Variants in ARL14EP observed in about 807,000 individuals in gnomAD.
The protein encoded by ARL14EP is ARL14 effector protein.
ARL14EP carries 12 observed loss-of-function variants against 23.1 expected under a neutral mutation model. That is an observed-to-expected ratio of 0.52 (90% confidence interval 0.33 to 0.84). The LOEUF (loss-of-function observed/expected upper bound fraction) is 0.84. Among genes scored for constraint, ARL14EP ranks in the 40% least tolerant of loss-of-function variants. The pLI is 0.02. For synonymous variants in ARL14EP, 97 were observed against 102.0 expected, an observed-to-expected ratio of 0.95 and a Z score of 0.29; for missense variants, 253 against 307.3, an observed-to-expected ratio of 0.82 and a Z score of 1.32.
Position 30,331,300 on chromosome 11 carries a change from A to C in ARL14EP, c.352A>C (p.Lys118Gln). The C allele has an allele frequency of 6.2e-7, 1 of 1,614,026 alleles. No individual in the cohort carries two copies. The highest frequency in any genetic ancestry group is 8.5e-7 in the Non-Finnish European group (1 of 1,179,890). ...QLVPGWKLCP[K>Q]CTQIINGSVD... Reference sequence around the variant, plus strand: ...TGTACCTGGTTGGAAGCTTTGTCCAAAATGCACACAGATAATCAATGGAAG... The same window carrying C: ...TGTACCTGGTTGGAAGCTTTGTCCACAATGCACACAGATAATCAATGGAAG... The change falls in exon 2 of 4, where the codon AAA (lysine) becomes CAA (glutamine). Residue 118 changes from lysine to glutamine, a missense_variant. By Grantham distance (53) the Lys-to-Gln change is moderately conservative. Transcript: ENST00000282032.
Position 30,336,853 on chromosome 11 carries a change from C to CT in ARL14EP, c.*59dup. Reference sequence around the variant, plus strand: ...TCTTTATTTCTAAAAATCTGTTACTCTAAGATACATTTTAAGCTTGATTAT... The same window carrying CT: ...TCTTTATTTCTAAAAATCTGTTACTCTTAAGATACATTTTAAGCTTGATTAT... On this transcript the variant is annotated 3_prime_UTR_variant, in exon 4 of 4. Transcript: ENST00000282032. The CT allele has an allele frequency of 7.0e-7, 1 of 1,431,134 alleles. No individual in the cohort carries two copies. Among genetic ancestry groups the CT allele is most frequent in the Non-Finnish European group, 9.8e-7 (1 of 1,020,406 alleles). 88.7% of individuals were successfully genotyped at this position (1,431,134 alleles called of 1,614,324 possible).
At chr11:30,331,435 C>CT (rs1338906135) in intron 2 of ARL14EP, 61 bp downstream of exon 2, 7 of 1,607,290 alleles carry the variant, frequency 4.4e-6, no homozygotes, top group Non-Finnish European at 5.1e-6. Context: ...TTTTGCTTAA[C>CT]TATAAGAAAA....
intron 1 of ARL14EP, 151 bp from the exon 2 acceptor site, chr11:30,330,735 T>C: frequency 1.9e-6 from 1 of 526,356 alleles, no homozygotes; most frequent in Admixed American, 3.5e-5. Flanking sequence ...ACGCTTCTGT[T>C]TGATTATTAA....
At chr11:30,326,508 T>G (rs1161105479) in intron 1 of ARL14EP, among the ~76,000 whole-genome samples, 3 of 152,198 alleles carry the variant, frequency 2.0e-5, no homozygotes, top group African/African-American at 7.2e-5. Context: ...TAGGCCACAT[T>G]GCCAGAACAC....
chr11:30,323,783 G>A (rs1947214694), intron 1 of ARL14EP, among the ~76,000 whole-genome samples: 1 of 152,124 alleles, frequency 6.6e-6, no homozygotes, highest in African/African-American at 2.4e-5. Context: ...CACTCTGTTA[G>A]GCATGATAAC....
intron 3 of ARL14EP, among the ~76,000 whole-genome samples, chr11:30,333,429 A>C (rs959943669): frequency 5.3e-5 from 8 of 152,054 alleles, no homozygotes; most frequent in Non-Finnish European, 1.2e-4. Context: ...TGTACTCCCT[A>C]TCTCTGTCGC....
chr11:30,323,211 G>C lies in ARL14EP; in HGVS notation c.-64+9G>C, dbSNP rs1947208047. On this transcript the variant is annotated intron_variant, in intron 1 of 3. Transcript: ENST00000282032. ...GGAGAGCTCAAGCTAAGGTGGAAGG[G>C]GAACGGGGGAGGCCCTGGAGAGGAG... is the stretch of plus-strand genomic sequence containing the variant. The C allele has an allele frequency of 6.5e-6, 1 of 153,188 alleles. No homozygotes were observed. The highest frequency in any genetic ancestry group is 2.1e-4 in the South Asian group (1 of 4,840). 9.5% of individuals were successfully genotyped at this position (153,188 alleles called of 1,614,324 possible).
chr11:30,332,163 C>T (rs1163604149), intron 2 of ARL14EP, among the ~76,000 whole-genome samples: 1 of 151,788 alleles, frequency 6.6e-6, no homozygotes, highest in African/African-American at 2.4e-5. Context: ...ATATTTTTCT[C>T]AGTTTTCTCC....
intron 1 of ARL14EP, chr11:30,328,145 T>A (rs1448301756): frequency 2.0e-5 from 3 of 151,472 alleles, no homozygotes; most frequent in African/African-American, 7.3e-5. Flanking sequence ...AAAATTTTTT[T>A]TATTTTTTTA....
intron 1 of ARL14EP, chr11:30,330,266 A>C (rs1162801770): frequency 9.2e-5 from 14 of 152,290 alleles, no homozygotes. Context: ...TTCCTTCAGG[A>C]TTACCTTGGC....
rs564004558 is a variant in ARL14EP at position 30,328,598 on chromosome 11, A to C, written c.-63-2288A>C. 2.3e-3 allele frequency: 346 copies of C among 152,304 alleles called. 3 individuals carry two copies. The highest frequency in any genetic ancestry group is 7.7e-3 in the African/African-American group (320 of 41,574). The allele number at this position is 152,304 out of a possible 1,614,324, so 9.4% of individuals were successfully genotyped here. ...TTTTTCAGTTAAAATGTTCAGTAAC[A>C]TATTTTAACACTTTAAAGTGTATTT... On this transcript the variant is annotated intron_variant, in intron 1 of 3. Transcript: ENST00000282032.
chr11:30,336,162 A>G (rs565196700), intron 3 of ARL14EP, among the ~76,000 whole-genome samples: 12 of 152,344 alleles, frequency 7.9e-5, no homozygotes, highest in Admixed American at 2.0e-4. Flanking sequence ...TTAAAGAACA[A>G]GAAACATTAA....
intron 1 of ARL14EP, 50 bp downstream of exon 1, chr11:30,323,252 A>G (rs1222217): frequency 0.7 from 107,687 of 152,844 alleles, 38,376 homozygotes; most frequent in East Asian, 0.91. Flanking sequence ...GAGTGGAGAC[A>G]GGCCCCTGGG....
chr11:30,336,528 A>C (rs1415198646), intron 3 of ARL14EP, 39 bp from the exon 4 acceptor site: 1 of 1,503,938 alleles, frequency 6.6e-7, no homozygotes, highest in Non-Finnish European at 9.2e-7. Flanking sequence ...CAAAAATAAC[A>C]TATTTATGAG....
Position 30,336,798 on chromosome 11 carries a change from T to G in ARL14EP, c.*3T>G. 6.2e-7 allele frequency: 1 copy of G among 1,610,006 alleles called. No individual in the cohort carries two copies. Among genetic ancestry groups the G allele is most frequent in the Non-Finnish European group, 8.5e-7 (1 of 1,176,236 alleles). The stretch of plus-strand genomic sequence containing the variant: ...TTCATAATAAACATGCTGGATAATC[T>G]GCGGTACCAAACTATGGAGCCTTTA... On this transcript the variant is annotated 3_prime_UTR_variant, in exon 4 of 4. Transcript: ENST00000282032.
chr11:30,336,603 C>G lies in ARL14EP; in HGVS notation c.591C>G (p.Ser197Arg). 1 of 1,613,854 alleles carries G rather than the reference C, an allele frequency of 6.2e-7. No homozygotes were observed. Among genetic ancestry groups the G allele is most frequent in the Non-Finnish European group, 8.5e-7 (1 of 1,179,946 alleles). ...VIPAKSKVYD[S>R]QGLLIFSGMD... is the part of the protein sequence containing the mutation. ...CAGCAAAGAGTAAGGTCTATGATAG[C>G]CAGGGTCTCCTGATTTTTAGTGGGA... is the stretch of plus-strand genomic sequence containing the variant. Residue 197 changes from serine (S) to arginine (R), a missense_variant, in exon 4 of 4, where the codon AGC becomes AGG. Transcript: ENST00000282032.
chr11:30,335,776 A>ATG lies in ARL14EP; in HGVS notation c.555-768_555-767dup, dbSNP rs10601449. 1.6e-3 allele frequency among the ~76,000 whole-genome samples: 240 copies of ATG among 147,096 alleles called. 2 individuals carry two copies. The highest frequency in any genetic ancestry group is 5.4e-3 in the South Asian group (25 of 4,636). On this transcript the variant is annotated intron_variant, in intron 3 of 3. Coordinates refer to ENST00000282032, the MANE Select transcript of ARL14EP (RefSeq NM_152316.3). Reference sequence around the variant, plus strand: ...AAAGCAAAAAAATATATATATATATATGTGTGTGTGTGTGTGTGTGTGTGA... The same window carrying ATG: ...AAAGCAAAAAAATATATATATATATATGTGTGTGTGTGTGTGTGTGTGTGTGA...
intron 1 of ARL14EP, among the ~76,000 whole-genome samples, chr11:30,327,608 A>T (rs1320242907): frequency 6.6e-6 from 1 of 152,098 alleles, no homozygotes; most frequent in Non-Finnish European, 1.5e-5. Flanking sequence ...TTAACAAAAT[A>T]CTAAGCATTA....
At chr11:30,331,748 C>T (rs1409764721) in intron 2 of ARL14EP, 5 of 1,032,098 alleles carry the variant, frequency 4.8e-6, no homozygotes, top group Non-Finnish European at 5.8e-6. Context: ...AGGATGACTT[C>T]GCCTTTATAT....
Sources: allele counts gnomAD v4.1 joint callset (sites outside exome capture counted in the v4.1 genomes callset), GRCh38; gene constraint gnomAD v4.1.1; transcripts MANE v1.5; gene names NCBI Gene and HGNC (gene_info 2026-07-23, HGNC 2026-07-21).